Variants in SLC17A7 observed in about 807,000 individuals in gnomAD.
SLC17A7 encodes solute carrier family 17 member 7, also known as vesicular glutamate transporter 1.
In SLC17A7, 15 loss-of-function variants were observed where a neutral mutation model predicts 59.1. The observed-to-expected ratio is 0.25, with a 90% CI of 0.17 to 0.39. The LOEUF (loss-of-function observed/expected upper bound fraction) is 0.39, where lower values mean the gene tolerates loss of function less well. Ranked by LOEUF, SLC17A7 falls within the 10% of genes least tolerant of loss-of-function variation. The pLI, the probability that SLC17A7 is intolerant of heterozygous loss-of-function variation, is 1.00. For synonymous variants in SLC17A7, 353 were observed against 308.9 expected (o/e 1.14, Z -1.50); for missense variants, 499 against 765.1 (o/e 0.65, Z 4.10).
In SLC17A7 at chr19:49,431,267, C is replaced by A; in HGVS notation, c.1261+71G>T. The A allele has an allele frequency of 6.3e-7, 1 of 1,585,698 alleles. No homozygotes were observed. The highest frequency in any genetic ancestry group is 1.1e-5 in the South Asian group (1 of 88,660). ...CCACCTTTTGTGAGGCTGAGAGGCC[C>A]CGTTCCTGAGCCAGGAAGTTCCCTA... On this transcript the variant is annotated intron_variant, in intron 10 of 11. Coordinates refer to ENST00000221485, the MANE Select transcript of SLC17A7 (RefSeq NM_020309.4). This position sits in a 1 kb window ranked among gnomAD's most constrained non-coding sequence, Gnocchi z 4.6.
In SLC17A7 at chr19:49,433,877, G is replaced by T. The variant is rs748145694; in HGVS notation, c.725-9C>A. 14 of 1,611,280 alleles carry T rather than the reference G, an allele frequency of 8.7e-6. No homozygotes were observed. In the African/African-American group the frequency reaches 1.2e-4, roughly 14 times the overall value. On this transcript the variant is annotated splice_polypyrimidine_tract_variant and intron_variant, in intron 6 of 11. Transcript: ENST00000221485. The surrounding 1 kb of genome is among the most constrained non-coding windows in gnomAD (Gnocchi z 5.7). ...GAAGATCCCGAAGCTGCCTGGGGGG[G>T]TCAGGAGGGGGATGGGAGCGAGGTG...
At position 49,431,177 on chromosome 19, in the gene SLC17A7, G is replaced by A. The variant is rs749233541; in HGVS notation, c.1262-35C>T. ...AGACAAGTCGGAAGGCGTCACACCG[G>A]AATCTCACTCGAGTGATTCCCACTG... On this transcript the variant is annotated intron_variant, in intron 10 of 11. Transcript: ENST00000221485. The surrounding 1 kb of genome is among the most constrained non-coding windows in gnomAD (Gnocchi z 4.6). The A allele has an allele frequency of 6.2e-7, 1 of 1,600,418 alleles. No individual in the cohort carries two copies. The highest frequency in any genetic ancestry group is 8.5e-7 in the Non-Finnish European group (1 of 1,171,620).
In SLC17A7 at chr19:49,434,494, C is replaced by G; in HGVS notation, c.637+108G>C. ...GGTCCAGAGTCTCCTCCTCCTCCCTCAGACACAGGAGTTCAGCCCCCCCAG... is the reference window on the plus strand; with the variant it reads ...GGTCCAGAGTCTCCTCCTCCTCCCTGAGACACAGGAGTTCAGCCCCCCCAG... On this transcript the variant is annotated intron_variant, in intron 5 of 11. Transcript: ENST00000221485. 8.2e-6 allele frequency: 9 copies of G among 1,098,390 alleles called. No homozygotes were observed. In the South Asian group the frequency reaches 1.5e-4, roughly 18 times the overall value. The allele number at this position is 1,098,390 out of a possible 1,614,324, so 68.0% of individuals were successfully genotyped here.
Position 49,441,452 on chromosome 19 carries a change from C to T in SLC17A7, c.-73G>A. On this transcript the variant is annotated 5_prime_UTR_variant, in exon 1 of 12. Coordinates refer to ENST00000221485, the MANE Select transcript of SLC17A7 (RefSeq NM_020309.4). ...CCCCCCGCCCGCGGGCCCGGGCGGC[C>T]GCGTCCGGGTTCCCGGGGTCCAGCC... 8.3e-7 allele frequency: 1 copy of T among 1,208,254 alleles called. No individual in the cohort carries two copies. The allele number at this position is 1,208,254 out of a possible 1,614,324, so 74.8% of individuals were successfully genotyped here.
At chr19:49,435,013 C>A in intron 3 of SLC17A7, 131 bp from the exon 4 acceptor site, 1 of 1,017,126 alleles carries the variant, frequency 9.8e-7, no homozygotes, top group Non-Finnish European at 1.5e-6. Context: ...TGACTTACAC[C>A]TTCCTCAATC....
chr19:49,432,691 C>T, intron 8 of SLC17A7, 40 bp from the exon 9 acceptor site: 4 of 1,605,370 alleles, frequency 2.5e-6, no homozygotes, highest in Non-Finnish European at 3.4e-6. Flanking sequence ...GGTTCGGGGC[C>T]GCCGGCTCGG....
Sources: allele counts gnomAD v4.1 joint callset, GRCh38; gene constraint gnomAD v4.1.1; non-coding constraint Gnocchi (gnomAD v3.1); transcripts MANE v1.5; gene names NCBI Gene and HGNC (gene_info 2026-07-23, HGNC 2026-07-21).